CHRM3: variants seen among roughly 807,000 people sequenced by gnomAD.
The protein encoded by CHRM3 is cholinergic receptor muscarinic 3.
In CHRM3, 11 loss-of-function variants were observed where a neutral mutation model predicts 41.8. The observed-to-expected ratio is 0.26, with a 90% CI of 0.17 to 0.44. The LOEUF (loss-of-function observed/expected upper bound fraction) is 0.44, where lower values mean the gene tolerates loss of function less well. Among genes scored for constraint, CHRM3 ranks in the 20% least tolerant of loss-of-function variants. The probability of loss-of-function intolerance (pLI) is 1.00; values close to 1 mark genes in which losing one functional copy is unlikely to be tolerated. For missense variants in CHRM3, 571 were observed against 745.4 expected, an observed-to-expected ratio of 0.77 and a Z score of 2.72; for synonymous variants, 297 against 301.4, an observed-to-expected ratio of 0.99 and a Z score of 0.15.
At chr1:239,836,653 G>A (rs373674636) in intron 6 of CHRM3, among the ~76,000 whole-genome samples, 1 of 152,162 alleles carries the variant, frequency 6.6e-6, no homozygotes, top group East Asian at 1.9e-4. Flanking sequence ...GCAGTAATCA[G>A]TAACAAAAGG....
chr1:239,889,798 A>G (rs1279167316), intron 6 of CHRM3, among the ~76,000 whole-genome samples: 2 of 152,132 alleles, frequency 1.3e-5, no homozygotes, highest in Non-Finnish European at 2.9e-5. Context: ...CTTCCCAGAG[A>G]GCATCAGGCA....
intron 4 of CHRM3, among the ~76,000 whole-genome samples, chr1:239,635,113 C>T (rs2148889714): frequency 6.6e-6 from 1 of 152,278 alleles, no homozygotes; most frequent in Non-Finnish European, 1.5e-5. Flanking sequence ...AATCCCTTGT[C>T]TCTTTTGTTA....
chr1:239,724,221 T>A (rs1663233638), intron 5 of CHRM3, among the ~76,000 whole-genome samples: 1 of 151,846 alleles, frequency 6.6e-6, no homozygotes, highest in Admixed American at 6.6e-5. Flanking sequence ...TTTACAGAAG[T>A]GCCTCTTGAG....
intron 2 of CHRM3, among the ~76,000 whole-genome samples, chr1:239,494,079 T>G (rs991184286): frequency 5.3e-5 from 8 of 152,170 alleles, no homozygotes; most frequent in Non-Finnish European, 1.2e-4. Flanking sequence ...TTTAATTACA[T>G]GTAAATTCAA....
At chr1:239,439,706 T>C (rs1371197335) in intron 1 of CHRM3, among the ~76,000 whole-genome samples, 2 of 152,208 alleles carry the variant, frequency 1.3e-5, no homozygotes, top group Non-Finnish European at 1.5e-5. Flanking sequence ...GATCATGATC[T>C]ATTATGGTCA....
At chr1:239,846,219 T>A (rs1164511126) in intron 6 of CHRM3, among the ~76,000 whole-genome samples, 2 of 152,216 alleles carry the variant, frequency 1.3e-5, no homozygotes, top group Non-Finnish European at 2.9e-5. Flanking sequence ...ATCAATGTCA[T>A]TTTTAAAGTA....
At chr1:239,636,362 C>T (rs1558403851) in intron 4 of CHRM3, among the ~76,000 whole-genome samples, 1 of 152,152 alleles carries the variant, frequency 6.6e-6, no homozygotes, top group Non-Finnish European at 1.5e-5. Context: ...AGTCACTGTG[C>T]CAGGCATTTC....
chr1:239,586,090 C>T (rs568422135), intron 3 of CHRM3, among the ~76,000 whole-genome samples: 4 of 152,130 alleles, frequency 2.6e-5, no homozygotes, highest in Non-Finnish European at 5.9e-5. Context: ...AATTTCTGTC[C>T]ACTCCCTGCC....
chr1:239,899,595 A>G (rs1008524011), intron 6 of CHRM3, among the ~76,000 whole-genome samples: 1 of 151,920 alleles, frequency 6.6e-6, no homozygotes. Flanking sequence ...TAAGTTCAAC[A>G]TGCAATGTAT....
chr1:239,701,443 A>G (rs951238962), intron 5 of CHRM3, among the ~76,000 whole-genome samples: 1 of 152,132 alleles, frequency 6.6e-6, no homozygotes, highest in African/African-American at 2.4e-5. Context: ...TTCCTCATTC[A>G]CCAAGAATTG....
At chr1:239,689,339 G>A (rs1434448566) in intron 5 of CHRM3, among the ~76,000 whole-genome samples, 1 of 151,886 alleles carries the variant, frequency 6.6e-6, no homozygotes, top group East Asian at 1.9e-4. Context: ...AACCAATGTT[G>A]CCTTAGCTTT....
intron 3 of CHRM3, among the ~76,000 whole-genome samples, chr1:239,611,034 AG>A (rs1350560787): frequency 6.6e-6 from 1 of 152,166 alleles, no homozygotes; most frequent in Non-Finnish European, 1.5e-5. Context: ...TTGGTGACAG[AG>A]CAAGACTCAG....
chr1:239,621,650 C>T (rs1668373397), intron 3 of CHRM3, among the ~76,000 whole-genome samples: 1 of 152,176 alleles, frequency 6.6e-6, no homozygotes, highest in Non-Finnish European at 1.5e-5. Context: ...TAATCCATAG[C>T]CTCATCTAGA....
chr1:239,531,932 T>G (rs1331292172), intron 2 of CHRM3, among the ~76,000 whole-genome samples: 1 of 151,026 alleles, frequency 6.6e-6, no homozygotes, highest in Non-Finnish European at 1.5e-5. Context: ...GTGCTGGGAT[T>G]ACAGGCTCGA....
Position 239,914,521 on chromosome 1 carries a change from A to T in CHRM3, c.*5297A>T, listed in dbSNP as rs1411878288. On this transcript the variant is annotated 3_prime_UTR_variant, in exon 7 of 7. Coordinates refer to ENST00000676153, the MANE Select transcript of CHRM3 (RefSeq NM_001375978.1). ...TATTTTAAATAGATTTGAAGTTGTG[A>T]ACAAATAATTTAGAGTCCAAAGAGG... 6.0e-6 allele frequency: 1 copy of T among 167,110 alleles called. No homozygotes were observed. Among genetic ancestry groups the T allele is most frequent in the Non-Finnish European group, 1.5e-5 (1 of 68,110 alleles). The allele number at this position is 167,110 out of a possible 1,614,324, so 10.4% of individuals were successfully genotyped here. A position where few individuals can be genotyped will look rare whatever the true frequency, so the allele number is the denominator to read the frequency against.
At chr1:239,473,683 A>G (rs1305455075) in intron 1 of CHRM3, among the ~76,000 whole-genome samples, 2 of 152,154 alleles carry the variant, frequency 1.3e-5, no homozygotes, top group Non-Finnish European at 2.9e-5. Flanking sequence ...TTACTGTGGA[A>G]TCCTGTTCGC....
chr1:239,417,421 T>C lies in CHRM3; in HGVS notation c.-521+30194T>C, dbSNP rs535774570. On this transcript the variant is annotated intron_variant, in intron 1 of 6. Coordinates refer to ENST00000676153, the MANE Select transcript of CHRM3 (RefSeq NM_001375978.1). ...GATCTGCAGGACAGAATTACATCTT[T>C]AGTTTCAGTAGATTGTCATAGAAGC... Among the ~76,000 whole-genome samples the C allele has an allele frequency of 2.6e-5, 4 of 152,306 alleles. No homozygotes were observed. In the South Asian group the frequency reaches 8.3e-4, roughly 32 times the overall value.
intron 4 of CHRM3, among the ~76,000 whole-genome samples, chr1:239,670,776 C>CT (rs565861102): frequency 1.5e-4 from 23 of 151,980 alleles, no homozygotes; most frequent in Admixed American, 3.9e-4. Flanking sequence ...GATCTACCCC[C>CT]CCCACCTCAG....
At chr1:239,629,758 C>T (rs1235979044) in intron 3 of CHRM3, among the ~76,000 whole-genome samples, 1 of 152,098 alleles carries the variant, frequency 6.6e-6, no homozygotes, top group Non-Finnish European at 1.5e-5. Flanking sequence ...CATCATAAAT[C>T]AGAGTAATAT....
Sources: allele counts gnomAD v4.1 joint callset (sites outside exome capture counted in the v4.1 genomes callset), GRCh38; gene constraint gnomAD v4.1.1; transcripts MANE v1.5; gene names NCBI Gene and HGNC (gene_info 2026-07-23, HGNC 2026-07-21).